NELL1: variants seen among roughly 807,000 people sequenced by gnomAD.
The protein encoded by NELL1 is protein kinase C-binding protein NELL1.
In NELL1, 76 loss-of-function variants were observed where a neutral mutation model predicts 107.4. The observed-to-expected ratio is 0.71, with a 90% CI of 0.59 to 0.86. The LOEUF is 0.86. NELL1 is among the 40% of genes least tolerant of loss of function. The pLI is 0.00. For synonymous variants in NELL1, 353 were observed against 341.2 expected, an observed-to-expected ratio of 1.03 and a Z score of -0.38; for missense variants, 1,024 against 1,005.5, an observed-to-expected ratio of 1.02 and a Z score of -0.25.
chr11:21,336,688 C>CACACACACACACACACACAT (rs1229656676), intron 14 of NELL1, among the ~76,000 whole-genome samples: 1 of 150,056 alleles, frequency 6.7e-6, no homozygotes, highest in African/African-American at 2.5e-5. Context: ...CACACACACA[C>CACACACACACACACACACAT]ACATTAAACA....
intron 16 of NELL1, among the ~76,000 whole-genome samples, chr11:21,539,009 A>G (rs1260551006): frequency 1.3e-5 from 2 of 152,108 alleles, no homozygotes; most frequent in East Asian, 3.9e-4. Context: ...GACTATCCCC[A>G]TAGCCCCATT....
intron 1 of NELL1, 92 bp from the exon 2 acceptor site, chr11:20,677,840 C>G: frequency 6.8e-7 from 1 of 1,475,194 alleles, no homozygotes; most frequent in Non-Finnish European, 9.4e-7. Context: ...CATTGGCTTC[C>G]TTGTATTCCC....
At chr11:20,922,980 G>T (rs987473036) in intron 7 of NELL1, among the ~76,000 whole-genome samples, 2 of 152,060 alleles carry the variant, frequency 1.3e-5, no homozygotes, top group African/African-American at 2.4e-5. Context: ...GACAACCATG[G>T]TGGGATGATG....
At chr11:21,093,799 G>T (rs191948420) in intron 12 of NELL1, among the ~76,000 whole-genome samples, 199 of 152,208 alleles carry the variant, frequency 1.3e-3, no homozygotes, top group African/African-American at 4.6e-3. Context: ...AACTGCATGG[G>T]AAAGACTTGC....
chr11:21,534,612 C>A, intron 16 of NELL1, 98 bp downstream of exon 16: 1 of 1,275,740 alleles, frequency 7.8e-7, no homozygotes, highest in Non-Finnish European at 1.1e-6. Context: ...TAAAATATGA[C>A]CATTCATTGG....
intron 13 of NELL1, among the ~76,000 whole-genome samples, chr11:21,223,779 G>C (rs1330360844): frequency 6.6e-6 from 1 of 151,990 alleles, no homozygotes; most frequent in Non-Finnish European, 1.5e-5. Flanking sequence ...GAAAGTATAT[G>C]ACTCAAAAAA....
rs555830308 is a variant in NELL1 at position 20,789,341 on chromosome 11, G to C, written c.335+5511G>C. ...TGCTGCCACGGGGTGGGCAGCTCCA[G>C]GTACCGGCAGGGTTACCAACTCTCT... On this transcript the variant is annotated intron_variant, in intron 3 of 19. Coordinates refer to ENST00000357134, the MANE Select transcript of NELL1 (RefSeq NM_006157.5). Among the ~76,000 whole-genome samples the C allele has an allele frequency of 1.8e-4, 28 of 152,330 alleles. No individual in the cohort carries two copies. The South Asian group carries it at 5.4e-3, about 29-fold the overall frequency.
chr11:20,873,052 T>C (rs898662242), intron 4 of NELL1, among the ~76,000 whole-genome samples: 3 of 152,228 alleles, frequency 2.0e-5, no homozygotes, highest in Non-Finnish European at 2.9e-5. Flanking sequence ...TGATTTATTA[T>C]CACTGGAAAC....
intron 2 of NELL1, among the ~76,000 whole-genome samples, chr11:20,740,820 C>T (rs1855872488): frequency 6.6e-6 from 1 of 151,792 alleles, no homozygotes; most frequent in Admixed American, 6.6e-5. Flanking sequence ...GAGACAGTAT[C>T]TTGCTATGTT....
intron 5 of NELL1, among the ~76,000 whole-genome samples, chr11:20,917,341 A>C (rs1394969720): frequency 6.6e-6 from 1 of 151,974 alleles, no homozygotes; most frequent in Non-Finnish European, 1.5e-5. Context: ...ATAATAAGCC[A>C]AAAACTGCAT....
At chr11:21,485,543 A>C (rs948558033) in intron 15 of NELL1, among the ~76,000 whole-genome samples, 1 of 151,690 alleles carries the variant, frequency 6.6e-6, no homozygotes, top group African/African-American at 2.4e-5. Flanking sequence ...AATGTCGTAC[A>C]TTCCAAGTAC....
intron 14 of NELL1, among the ~76,000 whole-genome samples, chr11:21,366,952 A>G (rs886291521): frequency 2.0e-5 from 3 of 152,164 alleles, no homozygotes; most frequent in Non-Finnish European, 2.9e-5. Context: ...AATTGAGTAC[A>G]TGGTGATGGT....
intron 12 of NELL1, among the ~76,000 whole-genome samples, chr11:21,082,296 A>G (rs1003117270): frequency 2.0e-5 from 3 of 152,156 alleles, no homozygotes; most frequent in African/African-American, 7.2e-5. Context: ...ACAGGAAAAA[A>G]TCATTTTCTC....
chr11:21,307,853 A>G (rs1180920241), intron 14 of NELL1, among the ~76,000 whole-genome samples: 1 of 151,850 alleles, frequency 6.6e-6, no homozygotes, highest in Non-Finnish European at 1.5e-5. Context: ...TTTAATTAGC[A>G]AGTAAAAAAA....
At chr11:21,501,028 G>T (rs1039568672) in intron 15 of NELL1, among the ~76,000 whole-genome samples, 1 of 152,124 alleles carries the variant, frequency 6.6e-6, no homozygotes. Context: ...TGGTGGTAGA[G>T]AGTGTGTTTT....
intron 15 of NELL1, among the ~76,000 whole-genome samples, chr11:21,383,061 G>C (rs1162812569): frequency 6.6e-6 from 1 of 151,958 alleles, no homozygotes; most frequent in East Asian, 1.9e-4. Flanking sequence ...AAATCATGTG[G>C]AAAAAGGCTA....
At chr11:21,283,187 A>G (rs1451640642) in intron 14 of NELL1, among the ~76,000 whole-genome samples, 1 of 152,176 alleles carries the variant, frequency 6.6e-6, no homozygotes, top group African/African-American at 2.4e-5. Context: ...TGGATTATAT[A>G]TAAAAGATAA....
intron 2 of NELL1, among the ~76,000 whole-genome samples, chr11:20,722,019 CT>C (rs34558225): frequency 0.065 from 1,687 of 25,990 alleles, 21 homozygotes; most frequent in African/African-American, 0.09. Flanking sequence ...CTGAGTCTCT[CT>C]TTTTTTTTTT....
At chr11:20,861,444 C>T (rs1180818643) in intron 4 of NELL1, among the ~76,000 whole-genome samples, 7 of 152,172 alleles carry the variant, frequency 4.6e-5, no homozygotes, top group Admixed American at 4.6e-4. Context: ...GCAGTACTCA[C>T]CTGCAAGCCT....
Sources: allele counts gnomAD v4.1 joint callset (sites outside exome capture counted in the v4.1 genomes callset), GRCh38; gene constraint gnomAD v4.1.1; transcripts MANE v1.5; gene names NCBI Gene and HGNC (gene_info 2026-07-23, HGNC 2026-07-21).